The following PDCD6 variants were observed in gnomAD, a reference collection of about 807,000 sequenced individuals.
PDCD6 encodes the protein programmed cell death protein 6.
A neutral mutation model predicts 28.3 loss-of-function variants in PDCD6; 12 were observed. The ratio of observed to expected loss-of-function variants is 0.42; its 90% CI spans 0.27 to 0.69. The LOEUF is 0.69. Among genes scored for constraint, PDCD6 ranks in the 30% least tolerant of loss-of-function variants. The probability of loss-of-function intolerance (pLI) is 0.22; values close to 1 mark genes in which losing one functional copy is unlikely to be tolerated. For synonymous variants in PDCD6, 92 were observed against 108.0 expected (o/e 0.85, Z 0.92); for missense variants, 226 against 269.9 (o/e 0.84, Z 1.14).
chr5:272,814 C>T, intron 2 of PDCD6, 42 bp downstream of exon 2: 2 of 1,555,630 alleles, frequency 1.3e-6, no homozygotes, highest in Non-Finnish European at 1.7e-6. Flanking sequence ...ACCAAGAAGC[C>T]GCGAGCCTGC....
chr5:298,752 C>CCCCAGCTGCTCA (rs1579522210), intron 2 of PDCD6, among the ~76,000 whole-genome samples: 1 of 34,760 alleles, frequency 2.9e-5, no homozygotes, highest in East Asian at 5.8e-4. Context: ...CAGCTGCTCA[C>CCCCAGCTGCTCA]CCCCAACTGC....
intron 2 of PDCD6, among the ~76,000 whole-genome samples, chr5:299,542 C>T (rs1739886040): frequency 7.2e-6 from 1 of 139,368 alleles, no homozygotes; most frequent in Non-Finnish European, 1.5e-5. Flanking sequence ...TTCTTACGTT[C>T]TTTTGAAGGT....
chr5:299,808 C>T (rs1022490566), intron 2 of PDCD6, among the ~76,000 whole-genome samples: 98 of 152,150 alleles, frequency 6.4e-4, no homozygotes, highest in Non-Finnish European at 1.1e-3. Flanking sequence ...CTTGGCCTCC[C>T]AAAGTGCTGG....
At position 311,353 on chromosome 5, in the gene PDCD6, G is replaced by A. The variant is rs183545231; in HGVS notation, c.428G>A (p.Arg143Gln). The A allele has an allele frequency of 1.9e-5, 31 of 1,613,992 alleles. No individual in the cohort carries two copies. The highest frequency in any genetic ancestry group is 8.9e-5 in the East Asian group (4 of 44,876). ...ATTCGAAAGTTTGACAGGCAGGGAC[G>A]GGGGCAGATTGCCTTCGACGACTTC... ...ILIRKFDRQG[R>Q]GQIAFDDFIQ... is the part of the protein sequence containing the mutation. The change falls in exon 5 of 6, where the codon CGG (arginine) becomes CAG (glutamine). Residue 143 changes from arginine to glutamine, a missense_variant. Physicochemically the swap from Arg to Gln is conservative, Grantham distance 43 (BLOSUM62 1). Transcript: ENST00000264933.
At chr5:306,519 T>A in intron 3 of PDCD6, 83 bp from the exon 4 acceptor site, 3 of 1,496,440 alleles carry the variant, frequency 2.0e-6, no homozygotes, top group Non-Finnish European at 2.8e-6. Flanking sequence ...CGCCAGGCTC[T>A]GAGGGCTGAG....
chr5:301,215 C>T lies in PDCD6; in HGVS notation c.164-2962C>T, dbSNP rs550316205. On this transcript the variant is annotated intron_variant, in intron 2 of 5. Transcript: ENST00000264933. ...GGAGAAGAAGCTCATGGCATGAAGA[C>T]AGAGGATTGATTGCCCAGGAGGCTT... Among the ~76,000 whole-genome samples, 109 of 152,300 alleles carry T rather than the reference C, an allele frequency of 7.2e-4. 3 individuals carry two copies. The highest frequency in any genetic ancestry group is 2.6e-3 in the African/African-American group (108 of 41,566).
chr5:295,004 C>T (rs969630626), intron 2 of PDCD6, among the ~76,000 whole-genome samples: 3 of 151,914 alleles, frequency 2.0e-5, no homozygotes, highest in Admixed American at 6.6e-5. Flanking sequence ...GCAGTGGTTT[C>T]GAGGGGCTAC....
intron 2 of PDCD6, among the ~76,000 whole-genome samples, chr5:299,756 A>G (rs536602049): frequency 4.5e-4 from 69 of 152,280 alleles, no homozygotes; most frequent in African/African-American, 1.4e-3. Context: ...TCACCATATT[A>G]GCCAGGATGG....
At chr5:294,935 C>T (rs568660637) in intron 2 of PDCD6, among the ~76,000 whole-genome samples, 17 of 152,230 alleles carry the variant, frequency 1.1e-4, no homozygotes, top group Non-Finnish European at 1.8e-4. Context: ...GCGCACAGGC[C>T]GAGGGATGCC....
intron 2 of PDCD6, among the ~76,000 whole-genome samples, chr5:291,465 G>C (rs1417788617): frequency 6.6e-6 from 1 of 150,614 alleles, no homozygotes; most frequent in Non-Finnish European, 1.5e-5. Flanking sequence ...ACACTGACAT[G>C]GTTCATTTTC....
rs75778468 is a variant in PDCD6, at chr5:286,408, G to A, written c.163+13636G>A. ...GATGTTCCCGTTTGAGGGCTGTGCA[G>A]CTGGAGGCCTAGCGAGGAGCTAATG... On this transcript the variant is annotated intron_variant, in intron 2 of 5. Transcript: ENST00000264933. Among the ~76,000 whole-genome samples, 11 of 152,158 alleles carry A rather than the reference G, an allele frequency of 7.2e-5. No homozygotes were observed. The East Asian group carries it at 1.9e-3, about 27-fold the overall frequency.
chr5:290,017 C>T (rs1739222193), intron 2 of PDCD6: 10 of 1,599,282 alleles, frequency 6.3e-6, no homozygotes, highest in African/African-American at 5.4e-5. Flanking sequence ...TTCACATAGT[C>T]GCTGAATAGT....
Position 314,439 on chromosome 5 carries a change from G to A in PDCD6, c.500G>A (p.Arg167His), listed in dbSNP as rs139334790. 26 of 1,613,534 alleles carry A rather than the reference G, an allele frequency of 1.6e-5. No homozygotes were observed. The highest frequency in any genetic ancestry group is 1.1e-4 in the East Asian group (5 of 44,878). ...VLQRLTDIFR[R>H]YDTDQDGWIQ... is the part of the protein sequence containing the mutation. ...CAGAGGTTGACGGATATATTCAGAC[G>A]TTACGACACGGATCAGGACGGCTGG... Residue 167 changes from arginine to histidine, a missense_variant, in exon 6 of 6, where the codon CGT (arginine) becomes CAT (histidine). Around this residue, in one of 3 missense-constraint regions of PDCD6, gnomAD observed 151 missense variants for 177.2 expected, o/e 0.85. Coordinates refer to ENST00000264933, the MANE Select transcript of PDCD6 (RefSeq NM_013232.4).
At chr5:302,963 G>A (rs577819077) in intron 2 of PDCD6, among the ~76,000 whole-genome samples, 3 of 152,378 alleles carry the variant, frequency 2.0e-5, no homozygotes, top group African/African-American at 7.2e-5. Flanking sequence ...TGGAGGGCGG[G>A]ATCTTCCCAA....
At chr5:283,686 G>A (rs1252061418) in intron 2 of PDCD6, among the ~76,000 whole-genome samples, 2 of 151,606 alleles carry the variant, frequency 1.3e-5, no homozygotes, top group Non-Finnish European at 1.5e-5. Context: ...TGCAGCTGAA[G>A]CCTCAGGGAG....
rs941475196 is a variant in PDCD6 at position 295,196 on chromosome 5, T to TA, written c.164-8973dup. ...TCACCTCCATGAAACAAAAACATAT[T>TA]AAAAAAAACTCTTAAAATAAAAAAA... On this transcript the variant is annotated intron_variant, in intron 2 of 5. Transcript: ENST00000264933. Among the ~76,000 whole-genome samples, 11 of 143,974 alleles carry TA rather than the reference T, an allele frequency of 7.6e-5. No individual in the cohort carries two copies. The East Asian group carries it at 7.8e-4, about 10-fold the overall frequency. The allele number at this position is 143,974 out of a possible 152,430, so 94.5% of individuals were successfully genotyped here. A position where few individuals can be genotyped will look rare whatever the true frequency, so the allele number is the denominator to read the frequency against.
chr5:302,070 CTGTGTGTGTGTGTG>C lies in PDCD6; in HGVS notation c.164-2082_164-2069del, dbSNP rs369323059. ...GGAGGGCGGATCATTGAGTGCTGCT[CTGTGTGTGTGTGTG>C]TGTGTGTGTGTGTGTGTGTGTGTGC... On this transcript the variant is annotated intron_variant, in intron 2 of 5. Transcript: ENST00000264933. Among the ~76,000 whole-genome samples the C allele has an allele frequency of 7.6e-4, 44 of 57,670 alleles. 1 individual carries two copies. The highest frequency in any genetic ancestry group is 6.3e-4 in the East Asian group (1 of 1,596). 37.8% of individuals were successfully genotyped at this position (57,670 alleles called of 152,430 possible). A position where few individuals can be genotyped will look rare whatever the true frequency, so the allele number is the denominator to read the frequency against.
rs901517601 is a variant in PDCD6, at chr5:314,630, G to A, written c.*115G>A. ...AGATGCTGTTCTTCCTTTAGATTTT[G>A]TCACGTGGGGACCCAGCTGTACATA... On this transcript the variant is annotated 3_prime_UTR_variant, in exon 6 of 6. Coordinates refer to ENST00000264933, the MANE Select transcript of PDCD6 (RefSeq NM_013232.4). 2.6e-6 allele frequency: 2 copies of A among 768,144 alleles called. No individual in the cohort carries two copies. The highest frequency in any genetic ancestry group is 2.2e-4 in the Middle Eastern group (1 of 4,458). The allele number at this position is 768,144 out of a possible 1,614,324, so 47.6% of individuals were successfully genotyped here. A position where few individuals can be genotyped will look rare whatever the true frequency, so the allele number is the denominator to read the frequency against.
rs1320881206 is a variant in PDCD6, at chr5:301,334, G to GA, written c.164-2841dup. ...CTAGGTTGCCGCACACAGCGGTGAA[G>GA]AACGGGGGAGACCAGATGGAATTGG... On this transcript the variant is annotated intron_variant, in intron 2 of 5. Transcript: ENST00000264933. 4.6e-5 allele frequency among the ~76,000 whole-genome samples: 7 copies of GA among 152,340 alleles called. No individual in the cohort carries two copies. The East Asian group carries it at 9.6e-4, about 21-fold the overall frequency.
Sources: gnomAD v4.1 joint callset for allele counts (sites outside exome capture counted in the v4.1 genomes callset) on GRCh38, gnomAD v4.1.1 for gene constraint, gnomAD v4.1.1 regional missense constraint, MANE v1.5 for transcripts, NCBI Gene and HGNC (gene_info 2026-07-23, HGNC 2026-07-21) for gene names.